ADAMTS6: variants seen among roughly 807,000 people sequenced by gnomAD.
ADAMTS6 encodes ADAM metallopeptidase with thrombospondin type 1 motif 6.
ADAMTS6 carries 23 observed loss-of-function variants against 144.3 expected under a neutral mutation model. The observed-to-expected ratio is 0.16, with a 90% confidence interval of 0.11 to 0.23. The LOEUF (loss-of-function observed/expected upper bound fraction) is 0.23. Ranked by LOEUF, ADAMTS6 falls within the 10% of genes least tolerant of loss-of-function variation. ADAMTS6 has a pLI of 1.00. For missense variants in ADAMTS6, 999 were observed against 1,379.6 expected, an observed-to-expected ratio of 0.72 and a Z score of 4.37; for synonymous variants, 444 against 457.5, an observed-to-expected ratio of 0.97 and a Z score of 0.38.
chr5:65,373,789 G>A (rs1350311890), intron 7 of ADAMTS6, among the ~76,000 whole-genome samples: 2 of 152,016 alleles, frequency 1.3e-5, no homozygotes, highest in Non-Finnish European at 1.5e-5. Context: ...ACCAAAGCCG[G>A]GCAGAGACAC....
At chr5:65,378,722 C>G (rs1751772910) in intron 7 of ADAMTS6, among the ~76,000 whole-genome samples, 1 of 152,114 alleles carries the variant, frequency 6.6e-6, no homozygotes, top group Admixed American at 6.6e-5. Context: ...TACTACAGCA[C>G]CATACTACAC....
intron 20 of ADAMTS6, among the ~76,000 whole-genome samples, chr5:65,207,171 C>G (rs1003077869): frequency 2.6e-5 from 4 of 152,062 alleles, no homozygotes. Context: ...TCTCTTCCCC[C>G]AAAGAACTGC....
chr5:65,293,299 T>TTAAG (rs1742501615), intron 10 of ADAMTS6, among the ~76,000 whole-genome samples: 1 of 152,068 alleles, frequency 6.6e-6, no homozygotes, highest in Non-Finnish European at 1.5e-5. Flanking sequence ...ACAAGTTAAG[T>TTAAG]ACTACTATAA....
At chr5:65,291,617 G>T (rs2112758898) in intron 10 of ADAMTS6, 147 bp from the exon 11 acceptor site, 1 of 792,398 alleles carries the variant, frequency 1.3e-6, no homozygotes, top group Non-Finnish European at 1.8e-6. Context: ...TGGCAGAACA[G>T]AATAGCTTTA....
chr5:65,346,757 TA>T (rs1412402173), intron 7 of ADAMTS6, among the ~76,000 whole-genome samples: 2 of 151,718 alleles, frequency 1.3e-5, no homozygotes, highest in African/African-American at 4.8e-5. Context: ...TAGAAAACTC[TA>T]AAAAACTGTT....
rs561917244 is a variant in ADAMTS6 at position 65,159,558 on chromosome 5, C to A, written c.3245-7613G>T. ...CAATGTCTTCTGGGTAAACTGTTTC[C>A]TACCTTCCATGTCCAGCTCAGCTTG... On this transcript the variant is annotated intron_variant, in intron 24 of 24. Coordinates refer to ENST00000381055, the MANE Select transcript of ADAMTS6 (RefSeq NM_197941.4). 9.8e-5 allele frequency among the ~76,000 whole-genome samples: 15 copies of A among 152,308 alleles called. No individual in the cohort carries two copies. In the East Asian group the frequency reaches 2.7e-3, roughly 27 times the overall value.
chr5:65,417,903 G>T (rs1001611495), intron 7 of ADAMTS6, among the ~76,000 whole-genome samples: 1 of 151,940 alleles, frequency 6.6e-6, no homozygotes. Context: ...TCCAAAAAGG[G>T]CCCAAATAGC....
In ADAMTS6 at chr5:65,206,169, T is replaced by C. The variant is rs546307855; in HGVS notation, c.2575+8625A>G. ...TTCACAGTATCCTTAGTATCTCTAA[T>C]TTTAAAAATAACATCCCCAAGACAG... On this transcript the variant is annotated intron_variant, in intron 20 of 24. Coordinates refer to ENST00000381055, the MANE Select transcript of ADAMTS6 (RefSeq NM_197941.4). Among the ~76,000 whole-genome samples, 64 of 152,314 alleles carry C rather than the reference T, an allele frequency of 4.2e-4. No individual in the cohort carries two copies. The South Asian group carries it at 4.4e-3, about 10-fold the overall frequency.
intron 20 of ADAMTS6, among the ~76,000 whole-genome samples, chr5:65,213,384 A>G (rs901123888): frequency 6.6e-6 from 1 of 152,234 alleles, no homozygotes; most frequent in African/African-American, 2.4e-5. Context: ...GCCCATGCCC[A>G]TAATCCCAGC....
Position 65,273,392 on chromosome 5 carries a change from C to T in ADAMTS6, c.1568G>A (p.Ser523Asn). Residue 523 changes from serine (S) to asparagine (N), a missense_variant, in exon 12 of 25, where the codon AGT becomes AAT. Transcript: ENST00000381055. The stretch of plus-strand genomic sequence containing the variant: ...CAGTGTCCCCTCAGCTGCTGGAATA[C>T]TGTTGGTGACACAGCGGTTGCTTTT... ...LSKSNRCVTN[S>N]IPAAEGTLCQ... The T allele has an allele frequency of 6.2e-7, 1 of 1,613,978 alleles. No homozygotes were observed. The highest frequency in any genetic ancestry group is 8.5e-7 in the Non-Finnish European group (1 of 1,179,882).
At chr5:65,398,832 GAAAGAAAGAAAGAA>G (rs1364178937) in intron 7 of ADAMTS6, among the ~76,000 whole-genome samples, 1 of 142,882 alleles carries the variant, frequency 7.0e-6, no homozygotes, top group East Asian at 2.0e-4. Context: ...AAGAAAGAAA[GAAAGAAAGAAAGAA>G]AGAAAAAGAA....
At chr5:65,408,145 A>T (rs917048535) in intron 7 of ADAMTS6, among the ~76,000 whole-genome samples, 1 of 152,212 alleles carries the variant, frequency 6.6e-6, no homozygotes, top group Admixed American at 6.5e-5. Flanking sequence ...TTCACACATA[A>T]CAATATTAAC....
intron 9 of ADAMTS6, among the ~76,000 whole-genome samples, chr5:65,321,708 C>CTTTTTTTTTTTTTTT (rs529236363): frequency 2.5e-4 from 20 of 78,890 alleles, no homozygotes; most frequent in Non-Finnish European, 3.0e-4. Context: ...TTTTCTTTTC[C>CTTTTTTTTTTTTTTT]TTTTTTTTTT....
intron 7 of ADAMTS6, among the ~76,000 whole-genome samples, chr5:65,424,216 T>C (rs1175871985): frequency 1.3e-5 from 2 of 152,182 alleles, no homozygotes; most frequent in African/African-American, 4.8e-5. Flanking sequence ...AAATTCCACT[T>C]TGAAGTACGG....
chr5:65,394,336 T>C (rs190652170), intron 7 of ADAMTS6, among the ~76,000 whole-genome samples: 248 of 152,240 alleles, frequency 1.6e-3, no homozygotes, highest in African/African-American at 5.9e-3. Context: ...GCTGCTTCAG[T>C]CCCCTGCTGT....
intron 12 of ADAMTS6, among the ~76,000 whole-genome samples, chr5:65,271,135 A>C (rs1762019055): frequency 2.6e-5 from 4 of 152,122 alleles, no homozygotes; most frequent in Admixed American, 2.6e-4. Flanking sequence ...CACACCTATA[A>C]TCCCAGCACT....
chr5:65,333,560 C>A (rs1388414667), intron 8 of ADAMTS6, among the ~76,000 whole-genome samples: 2 of 150,372 alleles, frequency 1.3e-5, no homozygotes, highest in African/African-American at 2.4e-5. Flanking sequence ...CAAAATTGTA[C>A]CAAAAAAAGT....
Position 65,449,392 on chromosome 5 carries a change from G to A in ADAMTS6, c.1073+2083C>T, listed in dbSNP as rs918833725. 5.3e-5 allele frequency among the ~76,000 whole-genome samples: 8 copies of A among 152,208 alleles called. No homozygotes were observed. In the East Asian group the frequency reaches 7.7e-4, roughly 15 times the overall value. On this transcript the variant is annotated intron_variant, in intron 7 of 24. Coordinates refer to ENST00000381055, the MANE Select transcript of ADAMTS6 (RefSeq NM_197941.4). Reference sequence around the variant, plus strand: ...AGCACTTTGGGAGGCCGAGGTGGGCGGATCACGAGGTCAGGAGATGGAGAC... The same window carrying A: ...AGCACTTTGGGAGGCCGAGGTGGGCAGATCACGAGGTCAGGAGATGGAGAC...
Position 65,151,443 on chromosome 5 carries a change from T to TA in ADAMTS6, c.*392dup, listed in dbSNP as rs1752134669. On this transcript the variant is annotated 3_prime_UTR_variant, in exon 25 of 25. Coordinates refer to ENST00000381055, the MANE Select transcript of ADAMTS6 (RefSeq NM_197941.4). ...CCATAGTTGACCAAGTCATAACAGCTACATTTTAAACAGTTTTAAATACAA... is the reference window on the plus strand; with the variant it reads ...CCATAGTTGACCAAGTCATAACAGCTAACATTTTAAACAGTTTTAAATACAA... 1 of 166,462 alleles carries TA rather than the reference T, an allele frequency of 6.0e-6. No homozygotes were observed. The highest frequency in any genetic ancestry group is 2.4e-5 in the African/African-American group (1 of 42,030). 10.3% of individuals were successfully genotyped at this position (166,462 alleles called of 1,614,324 possible).
Sources: gnomAD v4.1 joint callset for allele counts (sites outside exome capture counted in the v4.1 genomes callset) on GRCh38, gnomAD v4.1.1 for gene constraint, MANE v1.5 for transcripts, NCBI Gene and HGNC (gene_info 2026-07-23, HGNC 2026-07-21) for gene names.